The following SOCS5 variants were observed in gnomAD, a reference collection of about 807,000 sequenced individuals.
SOCS5 encodes the protein suppressor of cytokine signaling 5.
A neutral mutation model predicts 42.8 loss-of-function variants in SOCS5; 32 were observed. The observed-to-expected ratio is 0.75, with a 90% CI of 0.56 to 1.01. The LOEUF is 1.01. Ranked by LOEUF, SOCS5 falls within the 50% of genes least tolerant of loss-of-function variation. SOCS5 has a pLI of 0.00. For missense variants in SOCS5, 627 were observed against 653.0 expected, an observed-to-expected ratio of 0.96 and a Z score of 0.43; for synonymous variants, 283 against 229.6, an observed-to-expected ratio of 1.23 and a Z score of -2.10.
intron 1 of SOCS5, among the ~76,000 whole-genome samples, chr2:46,734,673 AT>A (rs959177998): frequency 3.3e-5 from 5 of 150,642 alleles, no homozygotes; most frequent in African/African-American, 7.3e-5. Context: ...CAGAAATAAG[AT>A]TTTTTTTTTC....
chr2:46,745,356 T>C (rs752561639), intron 1 of SOCS5, among the ~76,000 whole-genome samples: 10 of 152,214 alleles, frequency 6.6e-5, no homozygotes, highest in African/African-American at 4.8e-5. Flanking sequence ...GTTGGAAGAA[T>C]AGCATTTCTT....
At position 46,730,567 on chromosome 2, in the gene SOCS5, T is replaced by C. The variant is rs186530350; in HGVS notation, c.-12-27952T>C. The stretch of plus-strand genomic sequence containing the variant: ...GTGAGCCAAGATTGTGCCACTGCAG[T>C]CCAGCCTGGGCGACAGAGTGAGACT... On this transcript the variant is annotated intron_variant, in intron 1 of 1. Coordinates refer to ENST00000394861, the MANE Select transcript of SOCS5 (RefSeq NM_144949.3). 6.7e-4 allele frequency among the ~76,000 whole-genome samples: 102 copies of C among 152,310 alleles called. No individual in the cohort carries two copies. In the East Asian group the frequency reaches 0.015, roughly 22 times the overall value.
At chr2:46,718,698 A>G (rs1158447101) in intron 1 of SOCS5, among the ~76,000 whole-genome samples, 1 of 152,204 alleles carries the variant, frequency 6.6e-6, no homozygotes, top group Admixed American at 6.5e-5. Context: ...TACCAGAGAT[A>G]ATACTTTCTA....
At chr2:46,719,612 A>T (rs546224392) in intron 1 of SOCS5, among the ~76,000 whole-genome samples, 1 of 152,268 alleles carries the variant, frequency 6.6e-6, no homozygotes, top group Admixed American at 6.5e-5. Context: ...ATTATGTTTG[A>T]CGTCTGTATC....
intron 1 of SOCS5, among the ~76,000 whole-genome samples, chr2:46,752,620 A>T (rs1296375178): frequency 1.3e-5 from 2 of 152,268 alleles, no homozygotes; most frequent in African/African-American, 2.4e-5. Context: ...TTATGTTTTG[A>T]GTGTTACATT....
In SOCS5 at chr2:46,760,157, A is replaced by C; in HGVS notation, c.*16A>C. The C allele has an allele frequency of 3.1e-6, 5 of 1,597,214 alleles. No homozygotes were observed. The highest frequency in any genetic ancestry group is 4.3e-6 in the Non-Finnish European group (5 of 1,169,278). On this transcript the variant is annotated 3_prime_UTR_variant, in exon 2 of 2. Coordinates refer to ENST00000394861, the MANE Select transcript of SOCS5 (RefSeq NM_144949.3). ...GGCAAAGTAAACTCTCCGGTCCCCA[A>C]AGGTTGTTAACTAGGTCCGCTTTCA...
chr2:46,743,127 ACTTCCTCCCTC>A (rs979143905), intron 1 of SOCS5, among the ~76,000 whole-genome samples: 3 of 152,054 alleles, frequency 2.0e-5, no homozygotes, highest in African/African-American at 7.3e-5. Flanking sequence ...TTTTTCATCT[ACTTCCTCCCTC>A]CTTCCACTGC....
intron 1 of SOCS5, among the ~76,000 whole-genome samples, chr2:46,748,545 T>A (rs1673558855): frequency 6.6e-6 from 1 of 152,144 alleles, no homozygotes; most frequent in Non-Finnish European, 1.5e-5. Context: ...GCACGCATTG[T>A]CCTGATCAGT....
At chr2:46,726,086 A>G (rs1314368730) in intron 1 of SOCS5, among the ~76,000 whole-genome samples, 4 of 150,872 alleles carry the variant, frequency 2.7e-5, no homozygotes, top group Non-Finnish European at 5.9e-5. Context: ...CTTTGGGTTT[A>G]TTTAAAAATT....
At chr2:46,726,511 A>G (rs1205629935) in intron 1 of SOCS5, among the ~76,000 whole-genome samples, 2 of 151,954 alleles carry the variant, frequency 1.3e-5, no homozygotes, top group Non-Finnish European at 2.9e-5. Flanking sequence ...ATTTTTCTCC[A>G]TTGCTGTCTT....
chr2:46,702,148 C>T (rs934824774), intron 1 of SOCS5, among the ~76,000 whole-genome samples: 2 of 152,072 alleles, frequency 1.3e-5, no homozygotes, highest in African/African-American at 4.8e-5. Flanking sequence ...ACTGTGCCTA[C>T]CTACTACATA....
chr2:46,734,334 C>A (rs1673195021), intron 1 of SOCS5, among the ~76,000 whole-genome samples: 1 of 152,096 alleles, frequency 6.6e-6, no homozygotes, highest in Non-Finnish European at 1.5e-5. Context: ...TGAGAGGGGT[C>A]AGATCATCAA....
chr2:46,737,391 G>A (rs1673277344), intron 1 of SOCS5, among the ~76,000 whole-genome samples: 1 of 152,128 alleles, frequency 6.6e-6, no homozygotes, highest in Non-Finnish European at 1.5e-5. Flanking sequence ...TTCTGGTATT[G>A]AAGAGAAAAA....
chr2:46,703,523 T>C (rs1221543039), intron 1 of SOCS5, among the ~76,000 whole-genome samples: 2 of 152,244 alleles, frequency 1.3e-5, no homozygotes, highest in Non-Finnish European at 2.9e-5. Flanking sequence ...TCTTCAAGTC[T>C]ATTACATAAT....
chr2:46,751,138 T>C (rs1205572767), intron 1 of SOCS5, among the ~76,000 whole-genome samples: 1 of 152,116 alleles, frequency 6.6e-6, no homozygotes, highest in Non-Finnish European at 1.5e-5. Context: ...AAAATTAAGA[T>C]AATTATTACT....
At chr2:46,700,862 T>A (rs1039612855) in intron 1 of SOCS5, among the ~76,000 whole-genome samples, 1 of 152,194 alleles carries the variant, frequency 6.6e-6, no homozygotes, top group Admixed American at 6.5e-5. Flanking sequence ...ATTTTATATA[T>A]GTTAGTAATT....
At chr2:46,709,813 G>C (rs2103694891) in intron 1 of SOCS5, among the ~76,000 whole-genome samples, 1 of 152,334 alleles carries the variant, frequency 6.6e-6, no homozygotes, top group Non-Finnish European at 1.5e-5. Context: ...AGTGACAACT[G>C]TTATAGTTTA....
At position 46,716,367 on chromosome 2, in the gene SOCS5, A is replaced by ATTTTTTTTTTTTTTTT. The variant is rs35187667; in HGVS notation, c.-13+16932_-13+16947dup. 9.4e-4 allele frequency among the ~76,000 whole-genome samples: 16 copies of ATTTTTTTTTTTTTTTT among 17,044 alleles called. 1 individual carries two copies. Among genetic ancestry groups the ATTTTTTTTTTTTTTTT allele is most frequent in the East Asian group, 5.2e-3 (2 of 388 alleles). 11.2% of individuals were successfully genotyped at this position (17,044 alleles called of 152,430 possible). On this transcript the variant is annotated intron_variant, in intron 1 of 1. Transcript: ENST00000394861. ...GGATTTCATGATGTTGAGTGTCTTC[A>ATTTTTTTTTTTTTTTT]TTTTTTTTTTTTTTTTTTTTTTTTT...
At chr2:46,734,394 C>T (rs1375327859) in intron 1 of SOCS5, among the ~76,000 whole-genome samples, 1 of 151,954 alleles carries the variant, frequency 6.6e-6, no homozygotes, top group Admixed American at 6.6e-5. Context: ...CCTATGACAG[C>T]CATTTGTGAA....
Sources: gnomAD v4.1 joint callset for allele counts (sites outside exome capture counted in the v4.1 genomes callset) on GRCh38, gnomAD v4.1.1 for gene constraint, MANE v1.5 for transcripts, NCBI Gene and HGNC (gene_info 2026-07-23, HGNC 2026-07-21) for gene names.